ANKH: variants seen among roughly 807,000 people sequenced by gnomAD.
The protein encoded by ANKH is ANKH inorganic pyrophosphate transport regulator, also known as mineralization regulator ANKH.
ANKH carries 15 observed loss-of-function variants against 49.0 expected under a neutral mutation model. That is an observed-to-expected ratio of 0.31 (90% CI 0.20 to 0.47). ANKH has a LOEUF of 0.47. ANKH is among the 20% of genes least tolerant of loss of function. ANKH has a pLI of 1.00. For synonymous variants in ANKH, 273 were observed against 260.0 expected, an observed-to-expected ratio of 1.05 and a Z score of -0.48; for missense variants, 429 against 652.0, an observed-to-expected ratio of 0.66 and a Z score of 3.72.
At chr5:14,792,733 G>T (rs1378632719) in intron 1 of ANKH, among the ~76,000 whole-genome samples, 2 of 151,676 alleles carry the variant, frequency 1.3e-5, no homozygotes, top group African/African-American at 2.4e-5. Flanking sequence ...CTAGCACTTT[G>T]GGAGGCCGAG....
intron 1 of ANKH, chr5:14,798,152 A>G (rs1284649379): frequency 6.4e-7 from 1 of 1,552,968 alleles, no homozygotes; most frequent in African/African-American, 1.4e-5. Flanking sequence ...GCAGCTGCAC[A>G]CTGGCTATAA....
chr5:14,830,859 G>C (rs1167092485), intron 1 of ANKH, among the ~76,000 whole-genome samples: 2 of 152,154 alleles, frequency 1.3e-5, no homozygotes, highest in Admixed American at 1.3e-4. Context: ...CAACGGTCCT[G>C]CTTTGCCTGG....
At chr5:14,828,380 C>T (rs1370600830) in intron 1 of ANKH, among the ~76,000 whole-genome samples, 1 of 152,012 alleles carries the variant, frequency 6.6e-6, no homozygotes, top group East Asian at 1.9e-4. Flanking sequence ...ATCAGCCAGG[C>T]ATGGTGGTGG....
At chr5:14,858,276 C>G (rs904564938) in intron 1 of ANKH, among the ~76,000 whole-genome samples, 7 of 152,194 alleles carry the variant, frequency 4.6e-5, no homozygotes, top group African/African-American at 1.7e-4. Flanking sequence ...ACCCTTCCCC[C>G]AGAGCCCCCA....
intron 1 of ANKH, among the ~76,000 whole-genome samples, chr5:14,815,362 G>A (rs1385095819): frequency 6.6e-6 from 1 of 152,204 alleles, no homozygotes; most frequent in Non-Finnish European, 1.5e-5. Flanking sequence ...CAGCTCATCT[G>A]TCTGTATGCA....
Position 14,871,567 on chromosome 5 carries a change from C to A in ANKH, c.-120G>T. The A allele has an allele frequency of 2.2e-6, 1 of 444,794 alleles. No homozygotes were observed. Among genetic ancestry groups the A allele is most frequent in the Non-Finnish European group, 3.1e-6 (1 of 318,198 alleles). 27.6% of individuals were successfully genotyped at this position (444,794 alleles called of 1,614,324 possible). On this transcript the variant is annotated 5_prime_UTR_variant, in exon 1 of 12. Transcript: ENST00000284268. ...GCGGGCCGACAGAGGCCGCGGGCGG[C>A]GGGGCCTCGGGCGCGGCGGCGGCGG...
At chr5:14,844,648 G>C (rs1465836322) in intron 1 of ANKH, among the ~76,000 whole-genome samples, 1 of 152,232 alleles carries the variant, frequency 6.6e-6, no homozygotes, top group Non-Finnish European at 1.5e-5. Flanking sequence ...GGTGGTCACA[G>C]GTGGCTATTT....
At chr5:14,711,430 T>C in intron 11 of ANKH, 120 bp from the exon 12 acceptor site, 2 of 835,126 alleles carry the variant, frequency 2.4e-6, no homozygotes, top group South Asian at 1.4e-5. Context: ...TTAAACCTTC[T>C]TATGGTTGGG....
chr5:14,837,520 A>G (rs1041585198), intron 1 of ANKH, among the ~76,000 whole-genome samples: 10 of 152,270 alleles, frequency 6.6e-5, no homozygotes, highest in Non-Finnish European at 1.2e-4. Context: ...GACACATGAA[A>G]AAATGCTCAT....
At chr5:14,761,211 A>C (rs1163521844) in intron 2 of ANKH, among the ~76,000 whole-genome samples, 1 of 152,186 alleles carries the variant, frequency 6.6e-6, no homozygotes, top group African/African-American at 2.4e-5. Flanking sequence ...CCGCCCCTGC[A>C]ACACCTTGAC....
rs1737794725 is a variant in ANKH, at chr5:14,725,463, CT to C, written c.1012-8629del. Among the ~76,000 whole-genome samples, 1 of 152,256 alleles carries C rather than the reference CT, an allele frequency of 6.6e-6. No homozygotes were observed. Among genetic ancestry groups the C allele is most frequent in the Admixed American group, 6.5e-5 (1 of 15,282 alleles). ...GACCAAGTTGATTCACATTCCGGTG[CT>C]AGCTTCTTATCCCATCACGGATGGC... is the stretch of plus-strand genomic sequence containing the variant. On this transcript the variant is annotated intron_variant, in intron 8 of 11. Coordinates refer to ENST00000284268, the MANE Select transcript of ANKH (RefSeq NM_054027.6). This position sits in a 1 kb window ranked among gnomAD's most constrained non-coding sequence, Gnocchi z 4.0.
At chr5:14,722,246 G>C (rs1272654579) in intron 8 of ANKH, among the ~76,000 whole-genome samples, 1 of 152,070 alleles carries the variant, frequency 6.6e-6, no homozygotes, top group South Asian at 2.1e-4. Context: ...TTCCAAACCA[G>C]CACACACCCC....
Position 14,725,277 on chromosome 5 carries a change from G to T in ANKH, c.1012-8442C>A, listed in dbSNP as rs1737789159. ...ACGGGGATGGTGTCTCCCTCACAGG[G>T]ATGCTGTGTGGACTGGGCTGCCCAG... On this transcript the variant is annotated intron_variant, in intron 8 of 11. Coordinates refer to ENST00000284268, the MANE Select transcript of ANKH (RefSeq NM_054027.6). This position sits in a 1 kb window ranked among gnomAD's most constrained non-coding sequence, Gnocchi z 4.0. Among the ~76,000 whole-genome samples, 1 of 152,224 alleles carries T rather than the reference G, an allele frequency of 6.6e-6. No homozygotes were observed. Among genetic ancestry groups the T allele is most frequent in the East Asian group, 1.9e-4 (1 of 5,192 alleles).
rs573953163 is a variant in ANKH, at chr5:14,797,808, T to C, written c.97-28617A>G. 3.2e-5 allele frequency: 52 copies of C among 1,611,414 alleles called. No homozygotes were observed. The African/African-American group carries it at 6.4e-4, about 20-fold the overall frequency. ...GTCCCACAGGCAGATGGTGTGGTCATCTGAAGCACTAAGTAAGTGCCCACT... is the reference window on the plus strand; with the variant it reads ...GTCCCACAGGCAGATGGTGTGGTCACCTGAAGCACTAAGTAAGTGCCCACT... On this transcript the variant is annotated intron_variant, in intron 1 of 11. Transcript: ENST00000284268.
intron 1 of ANKH, among the ~76,000 whole-genome samples, chr5:14,833,145 A>G (rs577616787): frequency 1.3e-5 from 2 of 152,328 alleles, no homozygotes; most frequent in East Asian, 3.9e-4. Context: ...TTCTACTCAC[A>G]TTAAGGCTTG....
intron 1 of ANKH, chr5:14,798,399 A>T: frequency 6.4e-7 from 1 of 1,565,750 alleles, no homozygotes. Flanking sequence ...CTTGTCGGCC[A>T]TGGCGGGCAG....
chr5:14,744,540 G>A (rs1422170682), intron 7 of ANKH, among the ~76,000 whole-genome samples: 1 of 150,270 alleles, frequency 6.7e-6, no homozygotes, highest in South Asian at 2.1e-4. Flanking sequence ...GGGGAAGTGG[G>A]AGCAGGCTGT....
chr5:14,749,047 T>C, intron 6 of ANKH, 125 bp downstream of exon 6: 1 of 1,363,096 alleles, frequency 7.3e-7, no homozygotes, highest in Non-Finnish European at 1.0e-6. Context: ...CTTCCTAGTG[T>C]GACTGTCATG....
intron 1 of ANKH, among the ~76,000 whole-genome samples, chr5:14,845,722 C>T (rs937731786): frequency 1.3e-5 from 2 of 152,064 alleles, no homozygotes; most frequent in Non-Finnish European, 2.9e-5. Flanking sequence ...TAATGTCCTA[C>T]AACCCTGGTC....
Sources: gnomAD v4.1 joint callset for allele counts (sites outside exome capture counted in the v4.1 genomes callset) on GRCh38, gnomAD v4.1.1 for gene constraint, Gnocchi (gnomAD v3.1) non-coding constraint, MANE v1.5 for transcripts, NCBI Gene and HGNC (gene_info 2026-07-23, HGNC 2026-07-21) for gene names.